MACF1: variants seen among roughly 807,000 people sequenced by gnomAD.
MACF1 encodes the protein microtubule actin crosslinking factor 1.
In MACF1, 193 loss-of-function variants were observed where a neutral mutation model predicts 854.8. The ratio of observed to expected loss-of-function variants is 0.23; its 90% CI spans 0.20 to 0.25. MACF1 has a LOEUF of 0.25. Ranked by LOEUF, MACF1 falls within the 10% of genes least tolerant of loss-of-function variation. The pLI is 1.00. For synonymous variants in MACF1, 3,185 were observed against 3,226.7 expected, an observed-to-expected ratio of 0.99 and a Z score of 0.44; for missense variants, 7,722 against 8,929.1, an observed-to-expected ratio of 0.86 and a Z score of 5.45.
chr1:39,458,179 C>T, intron 89 of MACF1, 191 bp from the exon 90 acceptor site: 1 of 551,452 alleles, frequency 1.8e-6, no homozygotes, highest in Admixed American at 3.1e-5. Flanking sequence ...TTGGAAATCA[C>T]ATTTCAACAT....
intron 97 of MACF1, among the ~76,000 whole-genome samples, chr1:39,473,157 T>C (rs571057303): frequency 1.3e-5 from 2 of 152,320 alleles, no homozygotes; most frequent in South Asian, 2.1e-4. Flanking sequence ...AATTATGAAC[T>C]GTATTTTCCC....
At position 39,287,320 on chromosome 1, in the gene MACF1, C is replaced by T. The variant is rs375922773; in HGVS notation, c.1543C>T (p.Arg515Cys). 69 of 1,614,046 alleles carry T rather than the reference C, an allele frequency of 4.3e-5. 1 individual carries two copies. Among genetic ancestry groups the T allele is most frequent in the Non-Finnish European group, 3.8e-5 (45 of 1,180,032 alleles). The change falls in exon 15 of 101, where the codon CGT becomes TGT. Residue 515 changes from arginine (R) to cysteine (C), a missense_variant. Physicochemically the swap from Arg to Cys is radical, Grantham distance 180. This residue lies in a region of MACF1 where 1,137 missense variants were observed against 1,263.0 expected (regional missense o/e 0.90). Transcript: ENST00000564288. Reference sequence around the variant, plus strand: ...TCTTCAGGATGAGCTGGTCACCTTGCGTCTAGAGTGTACAAACCTGTACCG... The same window carrying T: ...TCTTCAGGATGAGCTGGTCACCTTGTGTCTAGAGTGTACAAACCTGTACCG... ...MRLQDELVTL[R>C]LECTNLYRKG...
intron 31 of MACF1, among the ~76,000 whole-genome samples, chr1:39,321,960 T>C (rs1368339584): frequency 1.3e-5 from 2 of 152,168 alleles, no homozygotes; most frequent in South Asian, 4.1e-4. Context: ...TGAAAGTACC[T>C]AAGAGGCTAC....
Position 39,439,434 on chromosome 1 carries a change from T to C in MACF1, c.18381T>C (p.Ile6127=). 2.5e-6 allele frequency: 4 copies of C among 1,614,222 alleles called. No individual in the cohort carries two copies. The highest frequency in any genetic ancestry group is 3.4e-6 in the Non-Finnish European group (4 of 1,180,028). The change falls in exon 72 of 101, where the codon ATT becomes ATC. Residue 6127 remains isoleucine, a synonymous_variant. Transcript: ENST00000564288. ...CCACCATCAAAGACACCCAGGATAT[T>C]GTCCATGACTTGGAAAGCCCAGGCA... ...LLTTIKDTQD[I]VHDLESPGID...
intron 1 of MACF1, among the ~76,000 whole-genome samples, chr1:39,225,069 A>G (rs1644698435): frequency 6.6e-6 from 1 of 152,070 alleles, no homozygotes; most frequent in Admixed American, 6.6e-5. Flanking sequence ...CTGCAGTCCT[A>G]GATACTTGGG....
intron 69 of MACF1, among the ~76,000 whole-genome samples, chr1:39,435,103 T>C (rs1570067158): frequency 6.6e-6 from 1 of 152,388 alleles, no homozygotes; most frequent in East Asian, 1.9e-4. Context: ...GTGTATAAAC[T>C]GGACGTAGTC....
At chr1:39,208,344 C>T (rs1036611072) in intron 1 of MACF1, among the ~76,000 whole-genome samples, 1 of 151,946 alleles carries the variant, frequency 6.6e-6, no homozygotes, top group Admixed American at 6.6e-5. Flanking sequence ...GACTGAAATA[C>T]GAGTTCCTAT....
chr1:39,259,487 C>T (rs944958213), intron 6 of MACF1, among the ~76,000 whole-genome samples: 1 of 152,178 alleles, frequency 6.6e-6, no homozygotes. Flanking sequence ...GTCTCGAACT[C>T]CTGCTCTCAG....
At chr1:39,392,006 G>A (rs1250171768) in intron 58 of MACF1, among the ~76,000 whole-genome samples, 2 of 152,192 alleles carry the variant, frequency 1.3e-5, no homozygotes, top group Non-Finnish European at 2.9e-5. Flanking sequence ...GGAGTGTCCT[G>A]TGTGTAGTCC....
rs1557666636 is a variant in MACF1 at position 39,460,505 on chromosome 1, A to G, written c.21361-127A>G. 1 of 780,190 alleles carries G rather than the reference A, an allele frequency of 1.3e-6. No individual in the cohort carries two copies. Among genetic ancestry groups the G allele is most frequent in the African/African-American group, 1.7e-5 (1 of 57,462 alleles). 48.3% of individuals were successfully genotyped at this position (780,190 alleles called of 1,614,324 possible). ...GTGCCTTCACAAAAGAAGCAAACAC[A>G]TAGATTTCATTGTTGATGGCCCCTG... On this transcript the variant is annotated intron_variant, in intron 91 of 100. Coordinates refer to ENST00000564288, the MANE Select transcript of MACF1 (RefSeq NM_001394062.1). The surrounding 1 kb of genome is among the most constrained non-coding windows in gnomAD (Gnocchi z 4.1).
intron 50 of MACF1, 144 bp downstream of exon 50, chr1:39,368,458 T>C: frequency 2.8e-6 from 2 of 722,468 alleles, no homozygotes; most frequent in Non-Finnish European, 2.2e-6. Context: ...GAAAAGTGCC[T>C]TTTTTTAGGC....
intron 2 of MACF1, among the ~76,000 whole-genome samples, chr1:39,145,437 C>G (rs681019): frequency 0.035 from 5,373 of 152,188 alleles, 247 homozygotes; most frequent in African/African-American, 0.11. Flanking sequence ...CCTAGTGACT[C>G]TTTGTAAAGA....
chr1:39,376,359 T>C (rs1254532024), intron 52 of MACF1, among the ~76,000 whole-genome samples: 4 of 152,218 alleles, frequency 2.6e-5, no homozygotes, highest in African/African-American at 9.6e-5. Context: ...AAAGTTCTCC[T>C]CCAACTCTGA....
rs1459425783 is a variant in MACF1, at chr1:39,292,851, T to C, written c.1992+8T>C. ...CAGTATTGTAAATTGAAGGTGAGTTTCTGCCGATTCTCTTACATTCTGCTC... is the reference window on the plus strand; with the variant it reads ...CAGTATTGTAAATTGAAGGTGAGTTCCTGCCGATTCTCTTACATTCTGCTC... On this transcript the variant is annotated splice_region_variant and intron_variant, in intron 17 of 100. Coordinates refer to ENST00000564288, the MANE Select transcript of MACF1 (RefSeq NM_001394062.1). 3 of 1,608,806 alleles carry C rather than the reference T, an allele frequency of 1.9e-6. No homozygotes were observed. The highest frequency in any genetic ancestry group is 2.5e-6 in the Non-Finnish European group (3 of 1,176,818).
At chr1:39,097,238 C>T (rs574235376) in intron 2 of MACF1, among the ~76,000 whole-genome samples, 5 of 152,200 alleles carry the variant, frequency 3.3e-5, no homozygotes, top group East Asian at 1.9e-4. Context: ...TCCCTCCTAG[C>T]GTTGCTTGGC....
At chr1:39,162,831 AT>A (rs984800620) in intron 2 of MACF1, among the ~76,000 whole-genome samples, 24 of 152,250 alleles carry the variant, frequency 1.6e-4, no homozygotes, top group African/African-American at 5.1e-4. Flanking sequence ...ACTGTGTCTC[AT>A]TTATCCTTGA....
rs559241434 is a variant in MACF1 at position 39,435,814 on chromosome 1, G to A, written c.17988+53G>A. The A allele has an allele frequency of 6.5e-6, 10 of 1,529,048 alleles. No homozygotes were observed. The Admixed American group carries it at 1.5e-4, about 24-fold the overall frequency. 94.7% of individuals were successfully genotyped at this position (1,529,048 alleles called of 1,614,324 possible). A position where few individuals can be genotyped will look rare whatever the true frequency, so the allele number is the denominator to read the frequency against. Reference sequence around the variant, plus strand: ...TTGAATTGTCTACTGTTCTAAACAAGAGGTCTCTGTATCAGGTATGTCTCT... The same window carrying A: ...TTGAATTGTCTACTGTTCTAAACAAAAGGTCTCTGTATCAGGTATGTCTCT... On this transcript the variant is annotated intron_variant, in intron 70 of 100. Coordinates refer to ENST00000564288, the MANE Select transcript of MACF1 (RefSeq NM_001394062.1).
In MACF1 at chr1:39,231,251, C is replaced by G; in HGVS notation, c.171+8C>G. On this transcript the variant is annotated splice_region_variant and intron_variant, in intron 2 of 100. Transcript: ENST00000564288. ...AACAAGCACTTAATGAAGGTAGGAC[C>G]CTTTCATATATATGCTGCCCCAGCA... 1 of 1,613,230 alleles carries G rather than the reference C, an allele frequency of 6.2e-7. No homozygotes were observed. Among genetic ancestry groups the G allele is most frequent in the South Asian group, 1.1e-5 (1 of 91,052 alleles).
intron 40 of MACF1, among the ~76,000 whole-genome samples, chr1:39,342,977 C>T (rs548289192): frequency 6.6e-6 from 1 of 152,104 alleles, no homozygotes; most frequent in East Asian, 1.9e-4. Context: ...ACTTTATTTA[C>T]AAAAAAACAC....
Sources: gnomAD v4.1 joint callset for allele counts (sites outside exome capture counted in the v4.1 genomes callset) on GRCh38, gnomAD v4.1.1 for gene constraint, gnomAD v4.1.1 regional missense constraint, Gnocchi (gnomAD v3.1) non-coding constraint, MANE v1.5 for transcripts, NCBI Gene and HGNC (gene_info 2026-07-23, HGNC 2026-07-21) for gene names.